The following NEGR1 variants were observed in gnomAD, a reference collection of about 807,000 sequenced individuals.
NEGR1 encodes the protein IgLON family member 4.
NEGR1 carries 10 observed loss-of-function variants against 40.9 expected under a neutral mutation model. That is an observed-to-expected ratio of 0.24 (90% CI 0.15 to 0.42). The LOEUF is 0.42. Ranked by LOEUF, NEGR1 falls within the 10% of genes least tolerant of loss-of-function variation. NEGR1 has a pLI of 1.00. For synonymous variants in NEGR1, 185 were observed against 166.8 expected, an observed-to-expected ratio of 1.11 and a Z score of -0.84; for missense variants, 352 against 438.9, an observed-to-expected ratio of 0.80 and a Z score of 1.77.
At chr1:71,524,438 C>A (rs1275520759) in intron 6 of NEGR1, among the ~76,000 whole-genome samples, 1 of 148,410 alleles carries the variant, frequency 6.7e-6, no homozygotes, top group African/African-American at 2.5e-5. Context: ...AAAATCATTA[C>A]CTTTTTAATA....
At chr1:71,677,230 TG>T (rs1286465150) in intron 4 of NEGR1, among the ~76,000 whole-genome samples, 1 of 152,094 alleles carries the variant, frequency 6.6e-6, no homozygotes, top group Non-Finnish European at 1.5e-5. Context: ...CATGATTCAT[TG>T]ATGGTGACAG....
chr1:71,794,205 C>T (rs1657232415), intron 2 of NEGR1: 1 of 151,960 alleles, frequency 6.6e-6, no homozygotes, highest in African/African-American at 2.4e-5. Context: ...TAACTCTTCC[C>T]CCCTTAAATC....
Position 71,402,499 on chromosome 1 carries a change from T to C in NEGR1, c.*4947A>G, listed in dbSNP as rs1237705760. On this transcript the variant is annotated 3_prime_UTR_variant, in exon 7 of 7. Coordinates refer to ENST00000357731, the MANE Select transcript of NEGR1 (RefSeq NM_173808.3). ...TTCCTCTTTTCCTTTTCTCTAGGAA[T>C]ACCGGAAAGCATGTATTTGTTTGCT... The C allele has an allele frequency of 6.6e-6, 1 of 152,158 alleles. No individual in the cohort carries two copies. The highest frequency in any genetic ancestry group is 1.5e-5 in the Non-Finnish European group (1 of 68,008). The allele number at this position is 152,158 out of a possible 1,614,324, so 9.4% of individuals were successfully genotyped here.
chr1:71,775,518 G>C (rs1656473628), intron 3 of NEGR1, among the ~76,000 whole-genome samples: 1 of 151,244 alleles, frequency 6.6e-6, no homozygotes, highest in South Asian at 2.1e-4. Context: ...TCTAATTTTT[G>C]TATTTTTACT....
chr1:71,766,703 C>G (rs1055688791), intron 3 of NEGR1, among the ~76,000 whole-genome samples: 1 of 152,170 alleles, frequency 6.6e-6, no homozygotes, highest in African/African-American at 2.4e-5. Flanking sequence ...TCTGCATCCC[C>G]ACTCAAGTCT....
intron 1 of NEGR1, among the ~76,000 whole-genome samples, chr1:72,257,277 C>G (rs918844635): frequency 2.7e-5 from 4 of 145,926 alleles, no homozygotes; most frequent in South Asian, 2.2e-4. Context: ...AGCCGAGATC[C>G]CGCCACTGCA....
intron 6 of NEGR1, among the ~76,000 whole-genome samples, chr1:71,591,191 G>A (rs886809126): frequency 2.6e-5 from 4 of 151,986 alleles, no homozygotes; most frequent in Non-Finnish European, 5.9e-5. Context: ...CAAATTGTAT[G>A]TACTTAATAG....
intron 1 of NEGR1, among the ~76,000 whole-genome samples, chr1:72,218,282 T>A (rs1653892241): frequency 6.6e-6 from 1 of 151,946 alleles, no homozygotes; most frequent in Admixed American, 6.6e-5. Context: ...ATGTATAATA[T>A]ATTGGGTCTA....
chr1:72,103,646 T>C (rs1265477935), intron 1 of NEGR1, among the ~76,000 whole-genome samples: 1 of 152,146 alleles, frequency 6.6e-6, no homozygotes, highest in Non-Finnish European at 1.5e-5. Context: ...GACTCAGACC[T>C]GTTTCAGGCT....
intron 1 of NEGR1, among the ~76,000 whole-genome samples, chr1:72,025,182 G>A (rs1308862207): frequency 6.6e-6 from 1 of 151,958 alleles, no homozygotes; most frequent in Admixed American, 6.6e-5. Context: ...ATAGTATAAC[G>A]TTTACATTGA....
At chr1:72,010,018 GA>G (rs1646642533) in intron 1 of NEGR1, among the ~76,000 whole-genome samples, 1 of 152,120 alleles carries the variant, frequency 6.6e-6, no homozygotes, top group African/African-American at 2.4e-5. Context: ...GAAATGACAG[GA>G]AGAGGAACCA....
At chr1:71,746,740 A>G (rs556188301) in intron 3 of NEGR1, among the ~76,000 whole-genome samples, 1 of 125,900 alleles carries the variant, frequency 7.9e-6, no homozygotes, top group East Asian at 2.8e-4. Context: ...ATACACACAC[A>G]TGTACACACA....
At chr1:71,457,520 G>T (rs1034426928) in intron 6 of NEGR1, among the ~76,000 whole-genome samples, 1 of 152,108 alleles carries the variant, frequency 6.6e-6, no homozygotes, top group Non-Finnish European at 1.5e-5. Flanking sequence ...GGAAAAAGAG[G>T]AAACAAGAGA....
At chr1:72,123,304 AT>A (rs1649875214) in intron 1 of NEGR1, among the ~76,000 whole-genome samples, 2 of 151,914 alleles carry the variant, frequency 1.3e-5, no homozygotes, top group Admixed American at 1.3e-4. Flanking sequence ...TAATCTTGAC[AT>A]TGTATTAGTA....
intron 1 of NEGR1, among the ~76,000 whole-genome samples, chr1:71,952,708 G>C (rs543697758): frequency 6.6e-6 from 1 of 151,496 alleles, no homozygotes; most frequent in Admixed American, 6.6e-5. Flanking sequence ...CTAGAGAAGA[G>C]AAGTCAATAC....
At chr1:72,206,810 G>A (rs1241949241) in intron 1 of NEGR1, among the ~76,000 whole-genome samples, 1 of 151,956 alleles carries the variant, frequency 6.6e-6, no homozygotes, top group Non-Finnish European at 1.5e-5. Flanking sequence ...CCTAAAGAAG[G>A]CTAAAGATGG....
intron 5 of NEGR1, among the ~76,000 whole-genome samples, chr1:71,594,100 C>T (rs2101523011): frequency 6.6e-6 from 1 of 152,222 alleles, no homozygotes; most frequent in East Asian, 1.9e-4. Context: ...TGATGTTCCC[C>T]CAACATAGGC....
intron 6 of NEGR1, among the ~76,000 whole-genome samples, chr1:71,538,953 ATAGT>A (rs1053641314): frequency 1.6e-4 from 25 of 151,740 alleles, no homozygotes; most frequent in African/African-American, 6.0e-4. Flanking sequence ...ATAGGTTATA[ATAGT>A]TGGTTCAAAT....
At chr1:72,197,165 C>A (rs546516835) in intron 1 of NEGR1, among the ~76,000 whole-genome samples, 1 of 151,974 alleles carries the variant, frequency 6.6e-6, no homozygotes, top group Admixed American at 6.6e-5. Flanking sequence ...GTTCCTACCC[C>A]CAAAGTGATA....
Sources: allele counts gnomAD v4.1 joint callset (sites outside exome capture counted in the v4.1 genomes callset), GRCh38; gene constraint gnomAD v4.1.1; transcripts MANE v1.5; gene names NCBI Gene and HGNC (gene_info 2026-07-23, HGNC 2026-07-21).